The following NELL1 variants were observed in gnomAD, a reference collection of about 807,000 sequenced individuals.
NELL1 encodes the protein neural EGFL like 1, also known as protein kinase C-binding protein NELL1.
NELL1 carries 76 observed loss-of-function variants against 107.4 expected under a neutral mutation model. The observed-to-expected ratio is 0.71, with a 90% CI of 0.59 to 0.86. The LOEUF (loss-of-function observed/expected upper bound fraction) is 0.86, where lower values mean the gene tolerates loss of function less well. Among genes scored for constraint, NELL1 ranks in the 40% least tolerant of loss-of-function variants. NELL1 has a pLI of 0.00. For missense variants in NELL1, 1,024 were observed against 1,005.5 expected, an observed-to-expected ratio of 1.02 and a Z score of -0.25; for synonymous variants, 353 against 341.2, an observed-to-expected ratio of 1.03 and a Z score of -0.38.
intron 15 of NELL1, among the ~76,000 whole-genome samples, chr11:21,433,608 G>C (rs1853026483): frequency 6.6e-6 from 1 of 151,856 alleles, no homozygotes; most frequent in African/African-American, 2.4e-5. Context: ...ATGGTTTTTT[G>C]TTTTTATTTT....
At chr11:21,512,324 G>A (rs966929342) in intron 15 of NELL1, among the ~76,000 whole-genome samples, 6 of 152,114 alleles carry the variant, frequency 3.9e-5, no homozygotes, top group African/African-American at 1.4e-4. Flanking sequence ...ATTAGGACAA[G>A]ACAGAGTATG....
intron 14 of NELL1, among the ~76,000 whole-genome samples, chr11:21,239,528 T>C (rs1858296702): frequency 6.6e-6 from 1 of 152,064 alleles, no homozygotes; most frequent in South Asian, 2.1e-4. Flanking sequence ...CTCAGATCAG[T>C]ATTCTAATAT....
At chr11:21,257,859 C>A (rs948551851) in intron 14 of NELL1, among the ~76,000 whole-genome samples, 7 of 151,938 alleles carry the variant, frequency 4.6e-5, no homozygotes, top group Non-Finnish European at 7.4e-5. Context: ...TGTTCATCTG[C>A]CACCAGAGCA....
intron 9 of NELL1, 95 bp downstream of exon 9, chr11:20,928,574 T>G: frequency 2.1e-6 from 2 of 962,812 alleles, no homozygotes; most frequent in South Asian, 1.4e-5. Flanking sequence ...TTGACATTGA[T>G]GAAATGAAAC....
chr11:21,487,100 A>C (rs1388744807), intron 15 of NELL1, among the ~76,000 whole-genome samples: 3 of 152,204 alleles, frequency 2.0e-5, no homozygotes, highest in African/African-American at 7.2e-5. Context: ...TTAGATATCC[A>C]GATATAGGAA....
chr11:21,435,942 A>T (rs760884461), intron 15 of NELL1, among the ~76,000 whole-genome samples: 10 of 152,178 alleles, frequency 6.6e-5, no homozygotes, highest in Admixed American at 2.6e-4. Flanking sequence ...AAATTTTAAT[A>T]GAATTCATAG....
intron 13 of NELL1, among the ~76,000 whole-genome samples, chr11:21,120,971 T>A (rs1855353818): frequency 6.6e-6 from 1 of 152,134 alleles, no homozygotes; most frequent in Non-Finnish European, 1.5e-5. Flanking sequence ...AAAGCAGGAT[T>A]CCAAAATCCT....
intron 13 of NELL1, among the ~76,000 whole-genome samples, chr11:21,177,215 A>C (rs903581178): frequency 2.0e-5 from 3 of 151,712 alleles, no homozygotes; most frequent in Non-Finnish European, 1.5e-5. Flanking sequence ...TTTTTTGTCT[A>C]ACTGAAGCTT....
chr11:21,567,389 G>A (rs893975726), intron 17 of NELL1, among the ~76,000 whole-genome samples: 3 of 151,780 alleles, frequency 2.0e-5, no homozygotes, highest in Non-Finnish European at 4.4e-5. Context: ...GTCCTGACTA[G>A]CTGGATTCTC....
At chr11:20,966,178 C>T (rs1438336369) in intron 12 of NELL1, among the ~76,000 whole-genome samples, 1 of 152,056 alleles carries the variant, frequency 6.6e-6, no homozygotes, top group African/African-American at 2.4e-5. Flanking sequence ...TTTATTTTCT[C>T]ATGGTGCTGG....
chr11:20,783,557 C>A, intron 2 of NELL1, 123 bp from the exon 3 acceptor site: 1 of 631,418 alleles, frequency 1.6e-6, no homozygotes. Context: ...CATTTTTAAC[C>A]ATGGATCTTT....
intron 15 of NELL1, among the ~76,000 whole-genome samples, chr11:21,497,804 C>A (rs575532661): frequency 6.6e-6 from 1 of 152,092 alleles, no homozygotes; most frequent in South Asian, 2.1e-4. Flanking sequence ...TACTTGAATT[C>A]ATGAGTATTC....
At chr11:21,400,703 C>T (rs964441113) in intron 15 of NELL1, among the ~76,000 whole-genome samples, 4 of 151,928 alleles carry the variant, frequency 2.6e-5, no homozygotes, top group African/African-American at 7.2e-5. Context: ...TATGTCTTGT[C>T]TGTGCCACAA....
At chr11:21,532,127 C>T (rs542221714) in intron 15 of NELL1, among the ~76,000 whole-genome samples, 36 of 152,294 alleles carry the variant, frequency 2.4e-4, no homozygotes, top group Non-Finnish European at 3.5e-4. Flanking sequence ...TTTCTGGAAT[C>T]GTCTGTGAAA....
At chr11:21,237,573 G>A (rs150048942) in intron 14 of NELL1, among the ~76,000 whole-genome samples, 1 of 152,022 alleles carries the variant, frequency 6.6e-6, no homozygotes, top group Non-Finnish European at 1.5e-5. Context: ...AATCAAGGCA[G>A]TCATCATAGA....
chr11:20,899,114 A>G (rs1849816089), intron 5 of NELL1, among the ~76,000 whole-genome samples: 1 of 152,148 alleles, frequency 6.6e-6, no homozygotes, highest in South Asian at 2.1e-4. Flanking sequence ...TAGTAAGCGT[A>G]TGGATTTAAA....
intron 15 of NELL1, among the ~76,000 whole-genome samples, chr11:21,516,618 A>G (rs906968883): frequency 9.2e-5 from 14 of 152,274 alleles, no homozygotes; most frequent in African/African-American, 3.1e-4. Context: ...CAATTGTAAC[A>G]TGATTGTGAG....
chr11:20,921,165 A>G (rs576243242), intron 7 of NELL1, among the ~76,000 whole-genome samples: 72 of 152,164 alleles, frequency 4.7e-4, no homozygotes, highest in Non-Finnish European at 9.1e-4. Context: ...TAACTATTGA[A>G]AACTATAAGA....
At chr11:20,919,407 A>G (rs1850329458) in intron 7 of NELL1, 73 bp downstream of exon 7, 2 of 923,482 alleles carry the variant, frequency 2.2e-6, no homozygotes, top group South Asian at 3.0e-5. Flanking sequence ...GTGATATGTT[A>G]TAATGGAAAC....
Sources: allele counts gnomAD v4.1 joint callset (sites outside exome capture counted in the v4.1 genomes callset), GRCh38; gene constraint gnomAD v4.1.1; transcripts MANE v1.5; gene names NCBI Gene and HGNC (gene_info 2026-07-23, HGNC 2026-07-21).